The following LINGO1 variants were observed in gnomAD, a reference collection of about 807,000 sequenced individuals.
LINGO1 encodes leucine rich repeat and Ig domain containing 1, also known as leucine-rich repeat and immunoglobulin-like domain-containing nogo receptor-interacting protein 1.
LINGO1 carries 11 observed loss-of-function variants against 37.3 expected under a neutral mutation model. The observed-to-expected ratio is 0.29, with a 90% CI of 0.19 to 0.49. LINGO1 has a LOEUF of 0.49. Ranked by LOEUF, LINGO1 falls within the 20% of genes least tolerant of loss-of-function variation. The pLI is 0.99. For missense variants in LINGO1, 585 were observed against 878.2 expected, an observed-to-expected ratio of 0.67 and a Z score of 4.22; for synonymous variants, 387 against 403.0, an observed-to-expected ratio of 0.96 and a Z score of 0.48.
At chr15:77,728,775 T>C (rs950966236) in intron 2 of LINGO1, among the ~76,000 whole-genome samples, 27 of 152,228 alleles carry the variant, frequency 1.8e-4, no homozygotes, top group African/African-American at 6.3e-4. Context: ...CTGTGTACTT[T>C]TGGGCAAGTT....
chr15:77,645,584 G>A lies in LINGO1; in HGVS notation c.-12-29684C>T, dbSNP rs112950019. Among the ~76,000 whole-genome samples, 124 of 152,352 alleles carry A rather than the reference G, an allele frequency of 8.1e-4. 1 individual carries two copies. Among genetic ancestry groups the A allele is most frequent in the South Asian group, 6.2e-4 (3 of 4,830 alleles). ...TCGTGAACAAATTCAGGGCTACTGT[G>A]TTCATCCTCCCATCCCTAGGCCAGT... On this transcript the variant is annotated intron_variant, in intron 3 of 3. Coordinates refer to the LINGO1 transcript ENST00000559893.
chr15:77,745,429 G>GAAA (rs1233452547), intron 1 of LINGO1, among the ~76,000 whole-genome samples: 1 of 83,040 alleles, frequency 1.2e-5, no homozygotes, highest in Admixed American at 1.2e-4. Flanking sequence ...CGTCTCAAAA[G>GAAA]AAAAAAAAAA....
At chr15:77,805,058 G>A (rs780489273) in intron 1 of LINGO1, among the ~76,000 whole-genome samples, 1 of 152,210 alleles carries the variant, frequency 6.6e-6, no homozygotes, top group Non-Finnish European at 1.5e-5. Context: ...TGGTATATTT[G>A]AGCCAGGATC....
chr15:77,628,609 C>A (rs2074162913), intron 1 of LINGO1, among the ~76,000 whole-genome samples: 1 of 152,148 alleles, frequency 6.6e-6, no homozygotes. Context: ...ACGGGGTGTG[C>A]AGGAGCACAT....
chr15:77,727,159 A>C (rs890425789), intron 2 of LINGO1, among the ~76,000 whole-genome samples: 1 of 152,242 alleles, frequency 6.6e-6, no homozygotes, highest in African/African-American at 2.4e-5. Context: ...GCAACCACTA[A>C]ATTAATTGTA....
chr15:77,796,066 A>T (rs1039694113), intron 1 of LINGO1: 2 of 152,390 alleles, frequency 1.3e-5, no homozygotes, highest in African/African-American at 4.8e-5. Context: ...GTGGGGAGAA[A>T]GAAGAGGTGG....
chr15:77,788,043 C>A (rs2076788946), upstream of LINGO1: 1 of 152,214 alleles, frequency 6.6e-6, no homozygotes, highest in Non-Finnish European at 1.5e-5. Context: ...TGGAGCCCCA[C>A]CAACTGTGAG....
chr15:77,750,124 C>G (rs1265345698), intron 1 of LINGO1, among the ~76,000 whole-genome samples: 7 of 152,096 alleles, frequency 4.6e-5, no homozygotes, highest in Admixed American at 1.3e-4. Flanking sequence ...GAGCAGGGGC[C>G]ACGTCCCCGA....
chr15:77,690,568 G>C (rs1596113034), intron 2 of LINGO1, among the ~76,000 whole-genome samples: 2 of 152,216 alleles, frequency 1.3e-5, no homozygotes, highest in African/African-American at 4.8e-5. Flanking sequence ...TAATGAAATA[G>C]GGTTTGTTTT....
chr15:77,788,901 C>G (rs918152669), upstream of LINGO1, among the ~76,000 whole-genome samples: 1 of 152,170 alleles, frequency 6.6e-6, no homozygotes, highest in South Asian at 2.1e-4. Flanking sequence ...GATTGGATCA[C>G]GACAAGTACA....
rs143325223 is a variant in LINGO1 at position 77,631,730 on chromosome 15, C to T, written c.6+580G>A. 2.1e-3 allele frequency among the ~76,000 whole-genome samples: 327 copies of T among 152,336 alleles called. 1 individual carries two copies. Among genetic ancestry groups the T allele is most frequent in the South Asian group, 0.012 (57 of 4,824 alleles). On this transcript the variant is annotated intron_variant, in intron 1 of 1. Transcript: ENST00000355300. Reference sequence around the variant, plus strand: ...GGGAGGCCCCTAAAGCGTTCCTGGGCGCTCCCGGTCCCCAACTCCCTTCCT... The same window carrying T: ...GGGAGGCCCCTAAAGCGTTCCTGGGTGCTCCCGGTCCCCAACTCCCTTCCT...
chr15:77,615,525 T>C lies in LINGO1; in HGVS notation c.382A>G (p.Ser128Gly). ...AGCGGGATGAGCTTCAGGCGGTTGC[T>C]GCGGAGACCCAGCGTCCGGAGGTTG... ...LFNLRTLGLRSNRLKLIPLGV... is the reference protein window; with the variant it reads ...LFNLRTLGLRGNRLKLIPLGV... Residue 128 changes from serine to glycine, a missense_variant, in exon 2 of 2, where the codon AGC becomes GGC. Around this residue, in one of 4 missense-constraint regions of LINGO1, gnomAD observed 484 missense variants for 735.0 expected, o/e 0.66. Coordinates refer to ENST00000355300, the MANE Select transcript of LINGO1 (RefSeq NM_032808.7). 1.2e-6 allele frequency: 2 copies of C among 1,613,820 alleles called. No homozygotes were observed. Among genetic ancestry groups the C allele is most frequent in the Non-Finnish European group, 1.7e-6 (2 of 1,179,768 alleles).
At chr15:77,647,062 A>C (rs1054589901) in intron 3 of LINGO1, among the ~76,000 whole-genome samples, 1 of 133,372 alleles carries the variant, frequency 7.5e-6, no homozygotes, top group Admixed American at 7.6e-5. Context: ...CTAGCTAACG[A>C]GTATGGAGGT....
intron 2 of LINGO1, among the ~76,000 whole-genome samples, chr15:77,706,685 G>A (rs1247773282): frequency 6.6e-6 from 1 of 152,174 alleles, no homozygotes; most frequent in Admixed American, 6.5e-5. Flanking sequence ...AGCCCTCCCA[G>A]ACTGCCCAGT....
intron 2 of LINGO1, among the ~76,000 whole-genome samples, chr15:77,726,662 G>A (rs2076105467): frequency 6.6e-6 from 1 of 152,198 alleles, no homozygotes; most frequent in African/African-American, 2.4e-5. Context: ...ACATAGGGGA[G>A]AAGCTTCATG....
chr15:77,613,191 C>T lies in LINGO1; in HGVS notation c.*853G>A, dbSNP rs1189113143. The T allele has an allele frequency of 6.6e-6, 1 of 152,248 alleles. No homozygotes were observed. The highest frequency in any genetic ancestry group is 1.5e-5 in the Non-Finnish European group (1 of 68,088). 9.4% of individuals were successfully genotyped at this position (152,248 alleles called of 1,614,324 possible). On this transcript the variant is annotated 3_prime_UTR_variant, in exon 2 of 2. Transcript: ENST00000355300. ...GGCCAGTGACCTGCTTGAGGCCACA[C>T]AGCAAGTGAGCAGCAGAGCTGGGAC...
At chr15:77,751,479 T>C (rs1348435332) in intron 1 of LINGO1, among the ~76,000 whole-genome samples, 1 of 152,102 alleles carries the variant, frequency 6.6e-6, no homozygotes, top group African/African-American at 2.4e-5. Context: ...AGACCTGTGA[T>C]AGTTGGGGGC....
chr15:77,753,181 T>C (rs954543243), intron 1 of LINGO1, among the ~76,000 whole-genome samples: 20 of 152,212 alleles, frequency 1.3e-4, no homozygotes, highest in Admixed American at 5.2e-4. Context: ...GAACCTGGTA[T>C]AGAGGCAGAC....
At chr15:77,724,808 G>A (rs1406953441) in intron 2 of LINGO1, among the ~76,000 whole-genome samples, 1 of 152,194 alleles carries the variant, frequency 6.6e-6, no homozygotes, top group African/African-American at 2.4e-5. Flanking sequence ...CTAGCCTCAT[G>A]TTCAGGGGCT....
Sources: gnomAD v4.1 joint callset for allele counts (sites outside exome capture counted in the v4.1 genomes callset) on GRCh38, gnomAD v4.1.1 for gene constraint, gnomAD v4.1.1 regional missense constraint, MANE v1.5 for transcripts, NCBI Gene and HGNC (gene_info 2026-07-23, HGNC 2026-07-21) for gene names.